The following ABCD3 variants were observed in gnomAD, a reference collection of about 807,000 sequenced individuals.
ABCD3 encodes the protein ATP-binding cassette sub-family D member 3.
A neutral mutation model predicts 105.5 loss-of-function variants in ABCD3; 41 were observed. The observed-to-expected ratio is 0.39, with a 90% CI of 0.30 to 0.50. The LOEUF (loss-of-function observed/expected upper bound fraction) is 0.50. ABCD3 is among the 20% of genes least tolerant of loss of function. The pLI, the probability that ABCD3 is intolerant of heterozygous loss-of-function variation, is 0.84. For missense variants in ABCD3, 622 were observed against 806.3 expected, an observed-to-expected ratio of 0.77 and a Z score of 2.77; for synonymous variants, 258 against 269.0, an observed-to-expected ratio of 0.96 and a Z score of 0.40.
intron 16 of ABCD3, among the ~76,000 whole-genome samples, chr1:94,497,571 A>G (rs1458871687): frequency 6.6e-6 from 1 of 152,238 alleles, no homozygotes; most frequent in Admixed American, 6.5e-5. Context: ...CTAGAACTTA[A>G]CCACTCTTTA....
chr1:94,493,016 C>T (rs767888817), intron 16 of ABCD3, among the ~76,000 whole-genome samples: 8 of 151,996 alleles, frequency 5.3e-5, no homozygotes, highest in Non-Finnish European at 1.2e-4. Context: ...TAGGCATTAC[C>T]ATTCAGGACA....
At chr1:94,495,855 G>A (rs958266981) in intron 16 of ABCD3, among the ~76,000 whole-genome samples, 2 of 152,134 alleles carry the variant, frequency 1.3e-5, no homozygotes, top group Non-Finnish European at 2.9e-5. Flanking sequence ...TTACAGTAGA[G>A]TATGATTATT....
the ABCD3 span, among the ~76,000 whole-genome samples, chr1:94,387,715 A>G: frequency 3.9e-5 from 6 of 152,224 alleles, no homozygotes; most frequent in African/African-American, 1.4e-4. Context: ...AAAGTTGTTA[A>G]GTAAACATTG....
chr1:94,449,279 C>T (rs1008789394), intron 1 of ABCD3, among the ~76,000 whole-genome samples: 7 of 152,170 alleles, frequency 4.6e-5, no homozygotes, highest in Non-Finnish European at 8.8e-5. Flanking sequence ...GAGCAATACC[C>T]ATCGAACATA....
intron 1 of ABCD3, among the ~76,000 whole-genome samples, chr1:94,431,312 G>C (rs1659672323): frequency 6.6e-6 from 1 of 152,148 alleles, no homozygotes; most frequent in African/African-American, 2.4e-5. Context: ...GAGATAGGCA[G>C]GTAGAAATCA....
At position 94,490,213 on chromosome 1, in the gene ABCD3, C is replaced by T. The variant is rs75792811; in HGVS notation, c.1322+238C>T. Among the ~76,000 whole-genome samples the T allele has an allele frequency of 4.9e-3, 743 of 151,986 alleles. 9 individuals carry two copies. Among genetic ancestry groups the T allele is most frequent in the African/African-American group, 0.017 (719 of 41,480 alleles). On this transcript the variant is annotated intron_variant, in intron 15 of 22. Transcript: ENST00000370214. ...CGTTTTGGCTAATTAATTTACCTAT[C>T]GCCTCTACATAGTTAACCATTTTTG...
At chr1:94,460,771 A>G (rs1413452785) in intron 2 of ABCD3, among the ~76,000 whole-genome samples, 1 of 152,044 alleles carries the variant, frequency 6.6e-6, no homozygotes, top group Non-Finnish European at 1.5e-5. Flanking sequence ...AGTCTCTGTA[A>G]TATTTCCTTC....
rs1648055801 is a variant in ABCD3, at chr1:94,464,777, A to G, written c.150A>G (p.Lys50=). ...AGGGCTTCTTTTTTTTAATGCAGAA[A>G]GAGGGGAAAAAGGAGCGAGCTGTGG... ...SGKPPLQNNE[K]EGKKERAVVD... is the part of the protein sequence containing the mutation. The change falls in exon 3 of 23, where the codon AAA becomes AAG. Residue 50 remains lysine, a splice_region_variant and synonymous_variant. Coordinates refer to ENST00000370214, the MANE Select transcript of ABCD3 (RefSeq NM_002858.4). 6.2e-7 allele frequency: 1 copy of G among 1,612,876 alleles called. No homozygotes were observed. Among genetic ancestry groups the G allele is most frequent in the South Asian group, 1.1e-5 (1 of 91,020 alleles).
chr1:94,456,066 A>G (rs953297206), intron 1 of ABCD3, among the ~76,000 whole-genome samples: 1 of 151,794 alleles, frequency 6.6e-6, no homozygotes, highest in African/African-American at 2.4e-5. Context: ...GTACCTTTTG[A>G]CCAACTTTTC....
chr1:94,432,800 C>T (rs982888489), intron 1 of ABCD3: 12 of 151,916 alleles, frequency 7.9e-5, no homozygotes, highest in African/African-American at 2.9e-4. Flanking sequence ...TATATTAAGT[C>T]ATGCATTGCT....
intron 20 of ABCD3, among the ~76,000 whole-genome samples, chr1:94,505,639 G>T (rs1650316896): frequency 6.6e-6 from 1 of 152,024 alleles, no homozygotes; most frequent in African/African-American, 2.4e-5. Flanking sequence ...ACAGGAAAAA[G>T]AGGAGGAGAC....
At chr1:94,483,109 T>G (rs1649104255) in intron 9 of ABCD3, 61 bp from the exon 10 acceptor site, 18 of 1,089,588 alleles carry the variant, frequency 1.7e-5, no homozygotes, top group Non-Finnish European at 2.5e-5. Flanking sequence ...ATACTGTATT[T>G]CAATTATTTT....
At chr1:94,426,797 G>A (rs1425877031) in intron 1 of ABCD3, among the ~76,000 whole-genome samples, 2 of 150,874 alleles carry the variant, frequency 1.3e-5, no homozygotes, top group African/African-American at 2.4e-5. Context: ...TGCCTACCTC[G>A]GCCTCCCAAA....
the ABCD3 span, among the ~76,000 whole-genome samples, chr1:94,393,034 C>G: frequency 6.6e-6 from 1 of 151,634 alleles, no homozygotes; most frequent in East Asian, 2.0e-4. Context: ...ATCACTTGAA[C>G]CCAGGAGGCA....
intron 4 of ABCD3, chr1:94,472,249 C>T: frequency 1.0e-6 from 1 of 978,418 alleles, no homozygotes. Flanking sequence ...AATGGTAAAC[C>T]ATTGCTGAAT....
At chr1:94,405,310 CTTTTT>C in the ABCD3 span, among the ~76,000 whole-genome samples, 2 of 124,958 alleles carry the variant, frequency 1.6e-5, no homozygotes, top group Non-Finnish European at 1.7e-5. Context: ...CATTATCAAG[CTTTTT>C]TTTTTTTTTT....
At chr1:94,475,292 A>G in intron 6 of ABCD3, 52 bp downstream of exon 6, 1 of 1,218,730 alleles carries the variant, frequency 8.2e-7, no homozygotes, top group Non-Finnish European at 1.2e-6. Context: ...AAGAGTATTT[A>G]TGAAGCTGAT....
chr1:94,438,479 G>C (rs562011109), intron 1 of ABCD3, among the ~76,000 whole-genome samples: 2 of 152,096 alleles, frequency 1.3e-5, no homozygotes, highest in Non-Finnish European at 2.9e-5. Flanking sequence ...ACATAAACTT[G>C]GTTGATGTGA....
At chr1:94,419,515 A>G (rs1422029583) in intron 1 of ABCD3, among the ~76,000 whole-genome samples, 1 of 152,172 alleles carries the variant, frequency 6.6e-6, no homozygotes, top group Non-Finnish European at 1.5e-5. Context: ...GAAAGAGAAA[A>G]GGCTACTTCC....
Sources: gnomAD v4.1 joint callset for allele counts (sites outside exome capture counted in the v4.1 genomes callset) on GRCh38, gnomAD v4.1.1 for gene constraint, MANE v1.5 for transcripts, NCBI Gene and HGNC (gene_info 2026-07-23, HGNC 2026-07-21) for gene names.